Variants in MDN1 observed in about 807,000 individuals in gnomAD.
MDN1 encodes midasin AAA ATPase 1.
MDN1 carries 266 observed loss-of-function variants against 669.2 expected under a neutral mutation model. That is an observed-to-expected ratio of 0.40 (90% CI 0.36 to 0.44). The LOEUF is 0.44. Ranked by LOEUF, MDN1 falls within the 20% of genes least tolerant of loss-of-function variation. The probability of loss-of-function intolerance (pLI) is 1.00; values close to 1 mark genes in which losing one functional copy is unlikely to be tolerated. For missense variants in MDN1, 5,940 were observed against 6,754.0 expected (o/e 0.88, Z 4.22); for synonymous variants, 2,385 against 2,457.1 (o/e 0.97, Z 0.87).
At chr6:89,667,182 A>T in intron 84 of MDN1, among the ~76,000 whole-genome samples, 2 of 151,554 alleles carry the variant, frequency 1.3e-5, no homozygotes, top group Non-Finnish European at 1.5e-5. Flanking sequence ...TTTGCTTTTG[A>T]CTTTTTTTTT....
chr6:89,684,756 C>G, intron 71 of MDN1, 120 bp downstream of exon 71: 1 of 599,398 alleles, frequency 1.7e-6, no homozygotes, highest in Non-Finnish European at 2.9e-6. Context: ...CTAGCGGTGG[C>G]AATGCTCACC....
intron 17 of MDN1, among the ~76,000 whole-genome samples, chr6:89,759,745 CA>C (rs1415628881): frequency 6.6e-6 from 1 of 151,260 alleles, no homozygotes; most frequent in East Asian, 1.9e-4. Context: ...GCCTGGGTGA[CA>C]AAAGCAAAAC....
At chr6:89,794,943 T>A (rs1408732310) in intron 2 of MDN1, 142 bp from the exon 3 acceptor site, 2 of 717,268 alleles carry the variant, frequency 2.8e-6, no homozygotes. Context: ...TTTTCATTGA[T>A]TGGTGGGAAT....
chr6:89,643,914 A>G lies in MDN1; in HGVS notation c.*91T>C. 9.0e-7 allele frequency: 1 copy of G among 1,107,010 alleles called. No homozygotes were observed. Among genetic ancestry groups the G allele is most frequent in the South Asian group, 2.0e-5 (1 of 50,448 alleles). 68.6% of individuals were successfully genotyped at this position (1,107,010 alleles called of 1,614,324 possible). A position where few individuals can be genotyped will look rare whatever the true frequency, so the allele number is the denominator to read the frequency against. On this transcript the variant is annotated 3_prime_UTR_variant, in exon 102 of 102. Transcript: ENST00000369393. ...TGTAAAATAAAAATATTACAATAAA[A>G]TTTTTTGTAGTTGTCCAAAAGGGAG...
At position 89,686,963 on chromosome 6, in the gene MDN1, G is replaced by T; in HGVS notation, c.11511C>A (p.His3837Gln). ...CAAGCATCTGATAGATGGAGAACCA[G>T]TGCTTGGTGGATTTCTCGGTGTGGC... is the stretch of plus-strand genomic sequence containing the variant. ...MKRHTEKSTK[H>Q]WFSIYQMLEK... Residue 3837 changes from histidine to glutamine, a missense_variant, in exon 69 of 102, where the codon CAC becomes CAA. By Grantham distance (24) the His-to-Gln change is conservative. This residue lies in a region of MDN1 where 2,280 missense variants were observed against 2,576.3 expected (regional missense o/e 0.88). Transcript: ENST00000369393. 6.2e-7 allele frequency: 1 copy of T among 1,613,970 alleles called. No homozygotes were observed. Among genetic ancestry groups the T allele is most frequent in the Non-Finnish European group, 8.5e-7 (1 of 1,179,992 alleles).
At position 89,699,745 on chromosome 6, in the gene MDN1, A is replaced by T. The variant is rs1346795373; in HGVS notation, c.8871-18T>A. The T allele has an allele frequency of 6.8e-6, 11 of 1,613,090 alleles. No individual in the cohort carries two copies. Among genetic ancestry groups the T allele is most frequent in the Non-Finnish European group, 8.5e-6 (10 of 1,179,432 alleles). ...TGCTGCATCTGTTCCAAAAATAAAG[A>T]GGGAGAGGGTGGGGTATGGACTATC... On this transcript the variant is annotated intron_variant, in intron 57 of 101. Coordinates refer to ENST00000369393, the MANE Select transcript of MDN1 (RefSeq NM_014611.3).
intron 7 of MDN1, among the ~76,000 whole-genome samples, chr6:89,789,055 C>T (rs984018061): frequency 1.3e-5 from 2 of 151,712 alleles, no homozygotes; most frequent in South Asian, 4.2e-4. Flanking sequence ...GCCCGGGAGA[C>T]GGAGGCTGCA....
Position 89,756,334 on chromosome 6 carries a change from A to G in MDN1, c.2759T>C (p.Ile920Thr), listed in dbSNP as rs1395809722. The part of the protein sequence containing the change: ...LESKEDLQVL[I>T]VDYLKGLSVN... ...ACTCAATCCTTTCAGATAATCTACA[A>G]TAAGAACCTGTAAGTCTTCTTTGCT... Residue 920 changes from isoleucine (I) to threonine (T), a missense_variant, in exon 20 of 102, where the codon ATT (isoleucine) becomes ACT (threonine). Coordinates refer to ENST00000369393, the MANE Select transcript of MDN1 (RefSeq NM_014611.3). 5.0e-6 allele frequency: 8 copies of G among 1,604,746 alleles called. No homozygotes were observed. The highest frequency in any genetic ancestry group is 4.0e-5 in the African/African-American group (3 of 74,548).
intron 66 of MDN1, 128 bp downstream of exon 66, chr6:89,688,445 C>CAAA (rs1812165282): frequency 1.2e-6 from 1 of 804,532 alleles, no homozygotes; most frequent in African/African-American, 1.7e-5. Context: ...TCTCATTGAA[C>CAAA]TGCAGTTCTT....
chr6:89,784,495 C>T (rs956781529), intron 9 of MDN1, among the ~76,000 whole-genome samples: 5 of 151,976 alleles, frequency 3.3e-5, no homozygotes, highest in Non-Finnish European at 7.4e-5. Context: ...CCAAGTGAGA[C>T]ATAAAAGGGA....
Position 89,674,374 on chromosome 6 carries a change from A to G in MDN1, c.12977T>C (p.Leu4326Pro), listed in dbSNP as rs1322899789. The change falls in exon 79 of 102, where the codon CTG becomes CCG. Residue 4326 changes from leucine to proline, a missense_variant. Around this residue, in one of 5 missense-constraint regions of MDN1, gnomAD observed 2,280 missense variants for 2,576.3 expected, o/e 0.88. Coordinates refer to ENST00000369393, the MANE Select transcript of MDN1 (RefSeq NM_014611.3). ...CAGGCAGGGGCCAGGAGGCTGCCCC[A>G]GTACCTGGACATTGCCATGGCCTGG... ...PAPGHGNVQV[L>P]GQPPGPCLEG... 1 of 1,614,232 alleles carries G rather than the reference A, an allele frequency of 6.2e-7. No homozygotes were observed. Among genetic ancestry groups the G allele is most frequent in the Non-Finnish European group, 8.5e-7 (1 of 1,180,030 alleles).
chr6:89,655,545 A>G (rs1328681529), intron 92 of MDN1, among the ~76,000 whole-genome samples: 1 of 152,178 alleles, frequency 6.6e-6, no homozygotes, highest in Non-Finnish European at 1.5e-5. Context: ...ATTTCTGCAC[A>G]TTTCTTATGT....
chr6:89,664,525 A>G lies in MDN1; in HGVS notation c.14198T>C (p.Phe4733Ser). The change falls in exon 85 of 102, where the codon TTT becomes TCT. Residue 4733 changes from phenylalanine to serine, a missense_variant. Coordinates refer to ENST00000369393, the MANE Select transcript of MDN1 (RefSeq NM_014611.3). Reference sequence around the variant, plus strand: ...CTCCCCATCATGCATTTTCCCATCAAAATCTTCCGACATCTCAATGGCATT... The same window carrying G: ...CTCCCCATCATGCATTTTCCCATCAGAATCTTCCGACATCTCAATGGCATT... ...EDNAIEMSED[F>S]DGKMHDGELE... The G allele has an allele frequency of 6.2e-7, 1 of 1,614,076 alleles. No homozygotes were observed. Among genetic ancestry groups the G allele is most frequent in the African/African-American group, 1.3e-5 (1 of 75,036 alleles).
At chr6:89,650,282 C>T (rs1439198108) in intron 96 of MDN1, 84 bp from the exon 97 acceptor site, 2 of 1,270,788 alleles carry the variant, frequency 1.6e-6, no homozygotes, top group African/African-American at 1.5e-5. Context: ...CACAATAATA[C>T]CTTAAAACCA....
At chr6:89,796,258 A>T (rs1307582126) in intron 2 of MDN1, among the ~76,000 whole-genome samples, 1 of 127,688 alleles carries the variant, frequency 7.8e-6, no homozygotes, top group Non-Finnish European at 1.6e-5. Flanking sequence ...CGAGACACGG[A>T]GGTTATAGTG....
intron 73 of MDN1, among the ~76,000 whole-genome samples, chr6:89,682,325 A>G (rs544261367): frequency 6.6e-6 from 1 of 152,316 alleles, no homozygotes; most frequent in Admixed American, 6.5e-5. Context: ...TCACAGGCTG[A>G]CATTAAATTT....
chr6:89,738,371 G>C lies in MDN1; in HGVS notation c.4678C>G (p.His1560Asp). The C allele has an allele frequency of 6.2e-7, 1 of 1,613,848 alleles. No homozygotes were observed. Among genetic ancestry groups the C allele is most frequent in the Non-Finnish European group, 8.5e-7 (1 of 1,179,792 alleles). The change falls in exon 33 of 102, where the codon CAT becomes GAT. Residue 1560 changes from histidine to aspartate, a missense_variant. Physicochemically the swap from His to Asp is moderately conservative, Grantham distance 81 (BLOSUM62 -1). Coordinates refer to ENST00000369393, the MANE Select transcript of MDN1 (RefSeq NM_014611.3). ...SREDLIQIIS[H>D]NLRPGLCLGR... ...AGACACAATCCTGGACGAAGATTAT[G>C]ACTGATGATCTGAATTAAATCTTCA...
In MDN1 at chr6:89,743,218, C is replaced by T; in HGVS notation, c.4380G>A (p.Lys1460=). Residue 1460 remains lysine (K), a synonymous_variant, in exon 31 of 102, where the codon AAG becomes AAA. Transcript: ENST00000369393. ...WHDGPLVQAM[K]EDGFFLLDEI... Reference sequence around the variant, plus strand: ...CATCCAAGAGGAAAAAGCCGTCCTCCTTCATGGCCTGAACCAGAGGCCCAT... The same window carrying T: ...CATCCAAGAGGAAAAAGCCGTCCTCTTTCATGGCCTGAACCAGAGGCCCAT... 4.3e-6 allele frequency: 7 copies of T among 1,614,164 alleles called. No homozygotes were observed. Among genetic ancestry groups the T allele is most frequent in the African/African-American group, 2.7e-5 (2 of 75,042 alleles).
intron 27 of MDN1, among the ~76,000 whole-genome samples, chr6:89,746,593 CAA>C (rs34446722): frequency 3.0e-5 from 2 of 65,600 alleles, no homozygotes; most frequent in Non-Finnish European, 2.8e-5. Context: ...GACTCTATCT[CAA>C]AAAAAAAAAA....
Sources: gnomAD v4.1 joint callset for allele counts (sites outside exome capture counted in the v4.1 genomes callset) on GRCh38, gnomAD v4.1.1 for gene constraint, gnomAD v4.1.1 regional missense constraint, MANE v1.5 for transcripts, NCBI Gene and HGNC (gene_info 2026-07-23, HGNC 2026-07-21) for gene names.